The following LTV1 variants were observed in gnomAD, a reference collection of about 807,000 sequenced individuals.
LTV1 encodes protein LTV1 homolog.
Under a neutral mutation model 59.9 loss-of-function variants are expected in LTV1, and 39 were observed. The ratio of observed to expected loss-of-function variants is 0.65; its 90% confidence interval spans 0.50 to 0.85. The LOEUF is 0.85. Among genes scored for constraint, LTV1 ranks in the 40% least tolerant of loss-of-function variants. The pLI is 0.00. For synonymous variants in LTV1, 171 were observed against 189.5 expected (o/e 0.90, Z 0.80); for missense variants, 493 against 549.1 (o/e 0.90, Z 1.02).
chr6:143,859,123 T>C (rs1188394856), intron 6 of LTV1, among the ~76,000 whole-genome samples: 1 of 152,200 alleles, frequency 6.6e-6, no homozygotes, highest in East Asian at 1.9e-4. Flanking sequence ...AAATTCCATT[T>C]CTTTCCGTTT....
rs531474492 is a variant in LTV1, at chr6:143,857,432, G to A, written c.527G>A (p.Gly176Glu). The A allele has an allele frequency of 8.7e-6, 14 of 1,613,758 alleles. No individual in the cohort carries two copies. The South Asian group carries it at 1.4e-4, about 16-fold the overall frequency. Residue 176 changes from glycine (G) to glutamate (E), a missense_variant, in exon 5 of 11, where the codon GGA becomes GAA. Transcript: ENST00000367576. The surrounding 1 kb of genome is among the most constrained non-coding windows in gnomAD (Gnocchi z 5.2). ...AATAAGGCAACAGGAGAGGAAGAGG[G>A]AATGGATATACAGTATGTGTGGTTT... is the stretch of plus-strand genomic sequence containing the variant. ...QANKATGEEE[G>E]MDIQKSENED...
At chr6:143,852,415 G>C (rs1252797019) in intron 4 of LTV1, among the ~76,000 whole-genome samples, 2 of 151,950 alleles carry the variant, frequency 1.3e-5, no homozygotes, top group Non-Finnish European at 2.9e-5. Flanking sequence ...TTTTCAATGG[G>C]GTTGTTTGTT....
intron 3 of LTV1, among the ~76,000 whole-genome samples, chr6:143,849,833 A>G (rs1776951658): frequency 6.6e-6 from 1 of 152,102 alleles, no homozygotes; most frequent in South Asian, 2.1e-4. Flanking sequence ...GCTCATTCCT[A>G]ACTTCCGAAG....
chr6:143,853,535 T>C (rs959321247), intron 4 of LTV1, among the ~76,000 whole-genome samples: 2 of 152,190 alleles, frequency 1.3e-5, no homozygotes, highest in Non-Finnish European at 2.9e-5. Flanking sequence ...GAGGGCATCC[T>C]TGTCTTGTGC....
rs181955838 is a variant in LTV1, at chr6:143,859,581, C to T, written c.796-845C>T. 3.7e-4 allele frequency among the ~76,000 whole-genome samples: 56 copies of T among 152,300 alleles called. No homozygotes were observed. In the East Asian group the frequency reaches 0.01, roughly 27 times the overall value. ...AAAATAAAGGCTGTTACCTTGCTACCTTCTCACCTAATACTATTTTCCCTC... is the reference window on the plus strand; with the variant it reads ...AAAATAAAGGCTGTTACCTTGCTACTTTCTCACCTAATACTATTTTCCCTC... On this transcript the variant is annotated intron_variant, in intron 6 of 10. Transcript: ENST00000367576.
rs1482825904 is a variant in LTV1, at chr6:143,862,535, G to A, written c.1063+292G>A. Among the ~76,000 whole-genome samples, 1 of 152,060 alleles carries A rather than the reference G, an allele frequency of 6.6e-6. No individual in the cohort carries two copies. Among genetic ancestry groups the A allele is most frequent in the South Asian group, 2.1e-4 (1 of 4,828 alleles). ...TGGGAGGCAGAGGTTGCAATGAGCC[G>A]AGATCATGCCATTGCACTCCAACCT... is the stretch of plus-strand genomic sequence containing the variant. On this transcript the variant is annotated intron_variant, in intron 8 of 10. Transcript: ENST00000367576. The surrounding 1 kb of genome is among the most constrained non-coding windows in gnomAD (Gnocchi z 4.2).
Position 143,857,270 on chromosome 6 carries a change from G to A in LTV1, c.398-33G>A. 1 of 1,610,758 alleles carries A rather than the reference G, an allele frequency of 6.2e-7. No homozygotes were observed. On this transcript the variant is annotated intron_variant, in intron 4 of 10. Coordinates refer to ENST00000367576, the MANE Select transcript of LTV1 (RefSeq NM_032860.5). The surrounding 1 kb of genome is among the most constrained non-coding windows in gnomAD (Gnocchi z 5.2). Reference sequence around the variant, plus strand: ...AAGTGAATGAATTGTTGCTATCTTGGGAATTACTGCTTAATTTTTGTTTTC... The same window carrying A: ...AAGTGAATGAATTGTTGCTATCTTGAGAATTACTGCTTAATTTTTGTTTTC...
In LTV1 at chr6:143,862,825, C is replaced by G. The variant is rs781490778; in HGVS notation, c.1064-19C>G. The stretch of plus-strand genomic sequence containing the variant: ...TGAAAACATGCTTACTGATACATGA[C>G]TTTTATTTGTTTGTTTAGGTACATA... On this transcript the variant is annotated intron_variant, in intron 8 of 10. Transcript: ENST00000367576. The surrounding 1 kb of genome is among the most constrained non-coding windows in gnomAD (Gnocchi z 4.2). 6.8e-7 allele frequency: 1 copy of G among 1,462,934 alleles called. No homozygotes were observed. The highest frequency in any genetic ancestry group is 2.3e-5 in the East Asian group (1 of 44,112). 90.6% of individuals were successfully genotyped at this position (1,462,934 alleles called of 1,614,324 possible).
At position 143,855,689 on chromosome 6, in the gene LTV1, C is replaced by T. The variant is rs2128491720; in HGVS notation, c.398-1614C>T. Among the ~76,000 whole-genome samples, 1 of 152,306 alleles carries T rather than the reference C, an allele frequency of 6.6e-6. No individual in the cohort carries two copies. Among genetic ancestry groups the T allele is most frequent in the South Asian group, 2.1e-4 (1 of 4,828 alleles). ...CTTATCTGGAAAGGATTTTATTTCT[C>T]CTTCACTTACAAAACTTAATTTGGC... is the stretch of plus-strand genomic sequence containing the variant. On this transcript the variant is annotated intron_variant, in intron 4 of 10. Coordinates refer to ENST00000367576, the MANE Select transcript of LTV1 (RefSeq NM_032860.5). The surrounding 1 kb of genome is among the most constrained non-coding windows in gnomAD (Gnocchi z 4.6).
At chr6:143,851,936 G>A (rs1419861465) in intron 4 of LTV1, among the ~76,000 whole-genome samples, 1 of 152,186 alleles carries the variant, frequency 6.6e-6, no homozygotes, top group Non-Finnish European at 1.5e-5. Flanking sequence ...GTATTCCATG[G>A]TGTATATGTG....
intron 4 of LTV1, among the ~76,000 whole-genome samples, chr6:143,852,083 G>A (rs771655919): frequency 9.9e-5 from 15 of 152,092 alleles, no homozygotes; most frequent in South Asian, 2.1e-4. Context: ...CTTTGGGTAT[G>A]TACCCAGTAA....
intron 7 of LTV1, among the ~76,000 whole-genome samples, chr6:143,861,419 G>A (rs926549933): frequency 1.6e-4 from 24 of 150,554 alleles, no homozygotes; most frequent in Non-Finnish European, 3.2e-4. Flanking sequence ...GGGTGACAGG[G>A]CGAGACTCTG....
At chr6:143,845,046 T>C (rs957551971) in intron 2 of LTV1, among the ~76,000 whole-genome samples, 4 of 152,170 alleles carry the variant, frequency 2.6e-5, no homozygotes, top group African/African-American at 7.2e-5. Flanking sequence ...AGGGCACCGA[T>C]ATATGCTCAA....
chr6:143,846,140 A>T lies in LTV1; in HGVS notation c.225A>T (p.Pro75=). Residue 75 remains proline, a synonymous_variant, in exon 3 of 11, where the codon CCA becomes CCT. Transcript: ENST00000367576. ...DYDYLQHLKE[P]SGPSELIPSS... Reference sequence around the variant, plus strand: ...ACTACCTGCAGCACCTGAAGGAACCATCTGGGCCTTCAGAGCTTATTCCCT... The same window carrying T: ...ACTACCTGCAGCACCTGAAGGAACCTTCTGGGCCTTCAGAGCTTATTCCCT... The T allele has an allele frequency of 6.2e-7, 1 of 1,614,012 alleles. No individual in the cohort carries two copies.
Position 143,846,164 on chromosome 6 carries a change from C to T in LTV1, c.249C>T (p.Pro83=), listed in dbSNP as rs1776887309. The change falls in exon 3 of 11, where the codon CCC becomes CCT. Residue 83 remains proline, a synonymous_variant. Transcript: ENST00000367576. The part of the protein sequence containing the change: ...KEPSGPSELI[P]SSTFSAHNRR... ...CATCTGGGCCTTCAGAGCTTATTCC[C>T]TCAAGTACCTTCAGTGCACACAACA... is the stretch of plus-strand genomic sequence containing the variant. 1.2e-6 allele frequency: 2 copies of T among 1,614,182 alleles called. No individual in the cohort carries two copies. The highest frequency in any genetic ancestry group is 1.6e-4 in the Middle Eastern group (1 of 6,062).
rs1391101747 is a variant in LTV1, at chr6:143,857,745, A to C, written c.540-7A>C. ...TTTTGGTAGGTAATTTATGACCTTT[A>C]CTTTAGGAAATCTGAGAATGAAGAT... On this transcript the variant is annotated splice_region_variant and splice_polypyrimidine_tract_variant and intron_variant, in intron 5 of 10. Transcript: ENST00000367576. The surrounding 1 kb of genome is among the most constrained non-coding windows in gnomAD (Gnocchi z 5.2). The C allele has an allele frequency of 6.2e-7, 1 of 1,613,810 alleles. No homozygotes were observed. Among genetic ancestry groups the C allele is most frequent in the Admixed American group, 1.7e-5 (1 of 60,012 alleles).
chr6:143,862,131 C>T lies in LTV1; in HGVS notation c.951C>T (p.Pro317=), dbSNP rs1777175088. 1 of 1,613,886 alleles carries T rather than the reference C, an allele frequency of 6.2e-7. No homozygotes were observed. The highest frequency in any genetic ancestry group is 8.5e-7 in the Non-Finnish European group (1 of 1,179,906). The change falls in exon 8 of 11, where the codon CCC becomes CCT. Residue 317 remains proline (P), a synonymous_variant. Coordinates refer to ENST00000367576, the MANE Select transcript of LTV1 (RefSeq NM_032860.5). This position sits in a 1 kb window ranked among gnomAD's most constrained non-coding sequence, Gnocchi z 4.2. ...ENCVKLNTLE[P]LEDQDLPMNE... The stretch of plus-strand genomic sequence containing the variant: ...GTGTAAAATTGAATACCCTTGAACC[C>T]TTGGAGGATCAAGACCTGCCAATGA...
chr6:143,844,938 A>G (rs1260280332), intron 2 of LTV1, among the ~76,000 whole-genome samples: 1 of 152,262 alleles, frequency 6.6e-6, no homozygotes, highest in South Asian at 2.1e-4. Context: ...GATTGGGAAG[A>G]CAAAGATCTT....
At chr6:143,843,594 C>T (rs1776838633) in intron 1 of LTV1, 114 bp downstream of exon 1, 2 of 1,384,410 alleles carry the variant, frequency 1.4e-6, no homozygotes, top group Admixed American at 1.9e-5. Context: ...CCAGAGGCTG[C>T]TTGCGGCACG....
Sources: allele counts gnomAD v4.1 joint callset (sites outside exome capture counted in the v4.1 genomes callset), GRCh38; gene constraint gnomAD v4.1.1; non-coding constraint Gnocchi (gnomAD v3.1); transcripts MANE v1.5; gene names NCBI Gene and HGNC (gene_info 2026-07-23, HGNC 2026-07-21).